GJB6: variants seen among roughly 807,000 people sequenced by gnomAD.
GJB6 encodes gap junction beta-6 protein.
A neutral mutation model predicts 5.4 loss-of-function variants in GJB6; 5 were observed. The observed-to-expected ratio is 0.92, with a 90% CI of 0.48 to 1.93. GJB6 has a LOEUF of 1.93. GJB6 is among the 30% of genes most tolerant of loss of function. The pLI is 0.01. For synonymous variants in GJB6, 136 were observed against 129.6 expected (o/e 1.05, Z -0.34); for missense variants, 298 against 326.9 (o/e 0.91, Z 0.68).
chr13:20,228,685 C>T (rs575600461), intron 4 of GJB6, among the ~76,000 whole-genome samples: 3,541 of 96,372 alleles, frequency 0.037, 77 homozygotes, highest in African/African-American at 0.062. Flanking sequence ...GGGGTTTCAC[C>T]GTGTTAGCCA....
intron 3 of GJB6, 173 bp from the exon 4 acceptor site, chr13:20,229,922 C>A (rs1365338533): frequency 1.3e-5 from 2 of 150,986 alleles, no homozygotes; most frequent in Non-Finnish European, 2.9e-5. Flanking sequence ...TTTGAACACA[C>A]AAAATAATCA....
chr13:20,223,439 G>A lies in GJB6; in HGVS notation c.42C>T (p.Asn14=), dbSNP rs372474784. 3.1e-6 allele frequency: 5 copies of A among 1,613,990 alleles called. No individual in the cohort carries two copies. The African/African-American group carries it at 6.7e-5, about 22-fold the overall frequency. ...CCTTCCCGATGCTGGTGGAGTGTTT[G>A]TTGACACCCCCGATGAAAGTGTGCA... ...GTLHTFIGGV[N]KHSTSIGKVW... is the part of the protein sequence containing the mutation. The change falls in exon 5 of 5, where the codon AAC becomes AAT. Residue 14 remains asparagine, a synonymous_variant. Transcript: ENST00000647029.
chr13:20,223,828 G>A (rs2137335700), intron 4 of GJB6, among the ~76,000 whole-genome samples: 1 of 152,136 alleles, frequency 6.6e-6, no homozygotes, highest in East Asian at 1.9e-4. Context: ...AATTAGCCTG[G>A]CGTGGTGGCG....
intron 4 of GJB6, among the ~76,000 whole-genome samples, chr13:20,226,563 A>C (rs940554496): frequency 2.6e-5 from 4 of 152,210 alleles, no homozygotes; most frequent in Non-Finnish European, 5.9e-5. Context: ...ATGATTTGTA[A>C]AATTAATTTT....
At chr13:20,228,999 C>T (rs996583486) in intron 4 of GJB6, among the ~76,000 whole-genome samples, 3 of 151,586 alleles carry the variant, frequency 2.0e-5, no homozygotes, top group South Asian at 4.2e-4. Context: ...TCACAACTAG[C>T]TTATTTATCT....
intron 4 of GJB6, among the ~76,000 whole-genome samples, chr13:20,228,486 G>GT (rs1491055611): frequency 3.3e-5 from 4 of 120,690 alleles, no homozygotes; most frequent in South Asian, 4.8e-4. Context: ...TTTTGTTTTT[G>GT]TTTTTTGTTT....
Position 20,222,422 on chromosome 13 carries a change from A to G in GJB6, c.*273T>C, listed in dbSNP as rs1869234985. ...TTATATAAATTTTCAGAAAGTACCC[A>G]CTTTGTCAGAGAGTCCACTTAAAAG... On this transcript the variant is annotated 3_prime_UTR_variant, in exon 5 of 5. Coordinates refer to ENST00000647029, the MANE Select transcript of GJB6 (RefSeq NM_001110219.3). 1 of 422,726 alleles carries G rather than the reference A, an allele frequency of 2.4e-6. No individual in the cohort carries two copies. The highest frequency in any genetic ancestry group is 4.2e-6 in the Non-Finnish European group (1 of 237,072). The allele number at this position is 422,726 out of a possible 1,614,324, so 26.2% of individuals were successfully genotyped here. A position where few individuals can be genotyped will look rare whatever the true frequency, so the allele number is the denominator to read the frequency against.
At chr13:20,226,501 G>A (rs79510176) in intron 4 of GJB6, among the ~76,000 whole-genome samples, 13,186 of 152,120 alleles carry the variant, frequency 0.087, 736 homozygotes, top group East Asian at 0.26. Flanking sequence ...AAAAGAGATG[G>A]CCAATGTCCA....
In GJB6 at chr13:20,222,800, C is replaced by T. The variant is rs757602049; in HGVS notation, c.681G>A (p.Thr227=). The T allele has an allele frequency of 7.4e-6, 12 of 1,613,720 alleles. No homozygotes were observed. The highest frequency in any genetic ancestry group is 4.4e-5 in the South Asian group (4 of 91,082). The change falls in exon 5 of 5, where the codon ACG becomes ACA. Residue 227 remains threonine (T), a synonymous_variant. Coordinates refer to ENST00000647029, the MANE Select transcript of GJB6 (RefSeq NM_001110219.3). Reference sequence around the variant, plus strand: ...GGGCATGATTGGGGTGATTTTTTTGCGTCTGTGCTCTCTTTGATCTCCTAA... The same window carrying T: ...GGGCATGATTGGGGTGATTTTTTTGTGTCTGTGCTCTCTTTGATCTCCTAA... ...VCFRRSKRAQ[T]QKNHPNHALK...
In GJB6 at chr13:20,222,666, T is replaced by A; in HGVS notation, c.*29A>T. On this transcript the variant is annotated 3_prime_UTR_variant, in exon 5 of 5. Transcript: ENST00000647029. The stretch of plus-strand genomic sequence containing the variant: ...TCTGGAGAAGACAGAAGTCTCCTTA[T>A]GACGCAGCTACATTTTACCTTGAAA... 6.2e-7 allele frequency: 1 copy of A among 1,601,988 alleles called. No homozygotes were observed. The highest frequency in any genetic ancestry group is 8.6e-7 in the Non-Finnish European group (1 of 1,168,942).
In GJB6 at chr13:20,222,372, G is replaced by C; in HGVS notation, c.*323C>G. 1 of 263,406 alleles carries C rather than the reference G, an allele frequency of 3.8e-6. No homozygotes were observed. The allele number at this position is 263,406 out of a possible 1,614,324, so 16.3% of individuals were successfully genotyped here. A position where few individuals can be genotyped will look rare whatever the true frequency, so the allele number is the denominator to read the frequency against. On this transcript the variant is annotated 3_prime_UTR_variant, in exon 5 of 5. Coordinates refer to ENST00000647029, the MANE Select transcript of GJB6 (RefSeq NM_001110219.3). ...TTCCTAATAAACGTATCAATTCCTG[G>C]ATAAATGTTCCTTATCAACAACAGT...
Position 20,231,395 on chromosome 13 carries a change from G to A in GJB6, c.-309C>T. 6.6e-6 allele frequency: 1 copy of A among 152,300 alleles called. No homozygotes were observed. Among genetic ancestry groups the A allele is most frequent in the Non-Finnish European group, 1.5e-5 (1 of 68,052 alleles). 9.4% of individuals were successfully genotyped at this position (152,300 alleles called of 1,614,324 possible). A position where few individuals can be genotyped will look rare whatever the true frequency, so the allele number is the denominator to read the frequency against. ...GGCCACACTCACCCTGACCCTTCCT[G>A]CTCCCCAGGAAGGGAGGTCAGCCCC... On this transcript the variant is annotated 5_prime_UTR_variant, in exon 2 of 5. Coordinates refer to ENST00000647029, the MANE Select transcript of GJB6 (RefSeq NM_001110219.3).
chr13:20,228,510 G>C (rs1275126815), intron 4 of GJB6, among the ~76,000 whole-genome samples: 1 of 150,132 alleles, frequency 6.7e-6, no homozygotes, highest in Non-Finnish European at 1.5e-5. Context: ...TTGAGATGGA[G>C]TCTAGCTCTG....
chr13:20,228,099 A>C (rs1376481542), intron 4 of GJB6, among the ~76,000 whole-genome samples: 1 of 152,238 alleles, frequency 6.6e-6, no homozygotes, highest in Admixed American at 6.5e-5. Flanking sequence ...TTTGAAGGCT[A>C]TTTCAATTTG....
chr13:20,222,453 T>TG lies in GJB6; in HGVS notation c.*241dup. Reference sequence around the variant, plus strand: ...TCAGAGAGTCCACTTAAAAGGAACCTGTCAAAGTGACTGCAATGCTCCTTT... The same window carrying TG: ...TCAGAGAGTCCACTTAAAAGGAACCTGGTCAAAGTGACTGCAATGCTCCTTT... On this transcript the variant is annotated 3_prime_UTR_variant, in exon 5 of 5. Transcript: ENST00000647029. 1 of 522,176 alleles carries TG rather than the reference T, an allele frequency of 1.9e-6. No homozygotes were observed. Among genetic ancestry groups the TG allele is most frequent in the East Asian group, 3.2e-5 (1 of 31,310 alleles). The allele number at this position is 522,176 out of a possible 1,614,324, so 32.3% of individuals were successfully genotyped here.
chr13:20,225,137 G>A (rs1869489870), intron 4 of GJB6: 2 of 151,762 alleles, frequency 1.3e-5, no homozygotes, highest in South Asian at 4.2e-4. Context: ...CTGAGAAATT[G>A]TTTTTTTTGC....
chr13:20,231,566 C>G (rs868474335), intron 1 of GJB6, 61 bp from the exon 2 acceptor site: 1 of 152,362 alleles, frequency 6.6e-6, no homozygotes, highest in Admixed American at 6.5e-5. Context: ...ATCAGCATTT[C>G]ACAAGTTTCT....
At chr13:20,228,724 T>C (rs1869817673) in intron 4 of GJB6, among the ~76,000 whole-genome samples, 1 of 151,582 alleles carries the variant, frequency 6.6e-6, no homozygotes, top group African/African-American at 2.4e-5. Context: ...GACCTCATGA[T>C]CCGCCCCCCT....
chr13:20,223,522 T>C, intron 4 of GJB6, 27 bp from the exon 5 acceptor site: 1 of 1,568,066 alleles, frequency 6.4e-7, no homozygotes, highest in Non-Finnish European at 8.8e-7. Flanking sequence ...GGGCAAAGGT[T>C]TATTAGTGGA....
Sources: allele counts gnomAD v4.1 joint callset (sites outside exome capture counted in the v4.1 genomes callset), GRCh38; gene constraint gnomAD v4.1.1; transcripts MANE v1.5; gene names NCBI Gene and HGNC (gene_info 2026-07-23, HGNC 2026-07-21).